MTBP: variants seen among roughly 807,000 people sequenced by gnomAD.
MTBP encodes the protein mdm2-binding protein.
MTBP carries 101 observed loss-of-function variants against 117.0 expected under a neutral mutation model. That is an observed-to-expected ratio of 0.86 (90% CI 0.73 to 1.02). The LOEUF is 1.02. MTBP is among the 50% of genes least tolerant of loss of function. MTBP has a pLI of 0.00. For synonymous variants in MTBP, 350 were observed against 351.5 expected (o/e 1.00, Z 0.05); for missense variants, 970 against 1,030.9 (o/e 0.94, Z 0.81).
Position 120,456,690 on chromosome 8 carries a change from T to A in MTBP, c.747+20T>A. 7.5e-7 allele frequency: 1 copy of A among 1,327,600 alleles called. No individual in the cohort carries two copies. The highest frequency in any genetic ancestry group is 1.1e-6 in the Non-Finnish European group (1 of 932,086). 82.2% of individuals were successfully genotyped at this position (1,327,600 alleles called of 1,614,324 possible). On this transcript the variant is annotated intron_variant, in intron 7 of 21. Coordinates refer to ENST00000305949, the MANE Select transcript of MTBP (RefSeq NM_022045.5). The stretch of plus-strand genomic sequence containing the variant: ...AGAAAGGTAAATGGATTATTCACAG[T>A]TTGCCAAGTAGGCCTTTCAATTTTA...
chr8:120,466,590 C>T lies in MTBP; in HGVS notation c.1047+2829C>T, dbSNP rs549452467. Among the ~76,000 whole-genome samples, 8 of 151,766 alleles carry T rather than the reference C, an allele frequency of 5.3e-5. No individual in the cohort carries two copies. In the South Asian group the frequency reaches 1.7e-3, roughly 32 times the overall value. On this transcript the variant is annotated intron_variant, in intron 10 of 21. Transcript: ENST00000305949. ...ATCTAGTGCTTTATAACTTGGGTTT[C>T]AGCTGGGCGCGGTGGCTCACGCCTT...
intron 12 of MTBP, among the ~76,000 whole-genome samples, chr8:120,489,136 T>G (rs1814286370): frequency 6.7e-6 from 1 of 150,046 alleles, no homozygotes; most frequent in African/African-American, 2.4e-5. Context: ...CCTCCCAGGT[T>G]CGAGCAATTC....
At chr8:120,513,301 A>G (rs143806264) in intron 17 of MTBP, among the ~76,000 whole-genome samples, 229 of 152,146 alleles carry the variant, frequency 1.5e-3, no homozygotes, top group Non-Finnish European at 2.6e-3. Context: ...TGTATTTCTT[A>G]GTTACAAAAC....
At position 120,502,477 on chromosome 8, in the gene MTBP, T is replaced by C. The variant is rs1183094670; in HGVS notation, c.1610-15T>C. 2 of 1,513,616 alleles carry C rather than the reference T, an allele frequency of 1.3e-6. No homozygotes were observed. Among genetic ancestry groups the C allele is most frequent in the Admixed American group, 4.0e-5 (2 of 50,368 alleles). 93.8% of individuals were successfully genotyped at this position (1,513,616 alleles called of 1,614,324 possible). A position where few individuals can be genotyped will look rare whatever the true frequency, so the allele number is the denominator to read the frequency against. On this transcript the variant is annotated splice_polypyrimidine_tract_variant and intron_variant, in intron 14 of 21. Transcript: ENST00000305949. ...ATAATACTTTTCAGACTTATGTGTA[T>C]TTCTTTCACTTTAGATTTTAGTCCA...
chr8:120,460,124 G>C (rs1813552679), intron 8 of MTBP, among the ~76,000 whole-genome samples: 1 of 152,030 alleles, frequency 6.6e-6, no homozygotes, highest in Non-Finnish European at 1.5e-5. Context: ...TACAAAAAGA[G>C]GGTATCATTT....
intron 15 of MTBP, among the ~76,000 whole-genome samples, chr8:120,505,958 ATCTTTACTTGACAAG>A (rs1814677596): frequency 1.3e-5 from 2 of 152,188 alleles, no homozygotes; most frequent in Non-Finnish European, 2.9e-5. Context: ...GTATGTTAGC[ATCTTTACTTGACAAG>A]TCGGAATAAT....
chr8:120,471,910 CAGAGATTA>C (rs1813824701), intron 11 of MTBP: 1 of 152,080 alleles, frequency 6.6e-6, no homozygotes, highest in African/African-American at 2.4e-5. Context: ...GTTATAAAAT[CAGAGATTA>C]AGTCCAAACC....
intron 5 of MTBP, among the ~76,000 whole-genome samples, chr8:120,454,323 A>G (rs530519305): frequency 6.6e-6 from 1 of 152,240 alleles, no homozygotes; most frequent in African/African-American, 2.4e-5. Context: ...TGCATTGTCA[A>G]ATGGAATGTC....
intron 7 of MTBP, among the ~76,000 whole-genome samples, chr8:120,457,640 G>C (rs1468216002): frequency 6.6e-6 from 1 of 152,122 alleles, no homozygotes; most frequent in South Asian, 2.1e-4. Flanking sequence ...TCCCACATAG[G>C]CTGGGCGCAG....
intron 17 of MTBP, among the ~76,000 whole-genome samples, chr8:120,514,081 G>A (rs978383939): frequency 6.6e-6 from 1 of 151,746 alleles, no homozygotes; most frequent in South Asian, 2.1e-4. Context: ...TAAAAAGTGT[G>A]TATTTTTAAT....
At chr8:120,499,462 T>G (rs1242140490) in intron 14 of MTBP, among the ~76,000 whole-genome samples, 1 of 152,186 alleles carries the variant, frequency 6.6e-6, no homozygotes. Flanking sequence ...ACTTGGAAGA[T>G]TTTTAGAAAC....
rs368494751 is a variant in MTBP, at chr8:120,482,722, C to T, written c.1166-5437C>T. Among the ~76,000 whole-genome samples, 114 of 149,424 alleles carry T rather than the reference C, an allele frequency of 7.6e-4. 1 individual carries two copies. The highest frequency in any genetic ancestry group is 2.6e-3 in the African/African-American group (106 of 40,880). On this transcript the variant is annotated intron_variant, in intron 11 of 21. Transcript: ENST00000305949. The stretch of plus-strand genomic sequence containing the variant: ...TTTTTCTTTCTTTCTTTTTTTGAGA[C>T]GGAGTCTTGCTTTGTTGCCCAGGCT...
At position 120,515,950 on chromosome 8, in the gene MTBP, T is replaced by C. The variant is rs769000752; in HGVS notation, c.2005T>C (p.Leu669=). 4 of 1,612,584 alleles carry C rather than the reference T, an allele frequency of 2.5e-6. No individual in the cohort carries two copies. Among genetic ancestry groups the C allele is most frequent in the East Asian group, 2.2e-5 (1 of 44,842 alleles). Residue 669 remains leucine (L), a synonymous_variant, in exon 18 of 22, where the codon TTG becomes CTG. Transcript: ENST00000305949. ...IEYCLDDRKA[L]ERDGGFSELQ... Reference sequence around the variant, plus strand: ...ATATTGCTTGGATGACCGAAAAGCTTTGGAAAGAGATGGAGGATTTTCTGA... The same window carrying C: ...ATATTGCTTGGATGACCGAAAAGCTCTGGAAAGAGATGGAGGATTTTCTGA...
intron 11 of MTBP, among the ~76,000 whole-genome samples, chr8:120,481,243 A>G (rs1215825993): frequency 2.0e-5 from 3 of 152,230 alleles, no homozygotes; most frequent in Admixed American, 6.5e-5. Flanking sequence ...GGGATGTTCA[A>G]TAGCACAGCT....
At chr8:120,521,246 A>G (rs1815003342) in intron 20 of MTBP, among the ~76,000 whole-genome samples, 2 of 152,202 alleles carry the variant, frequency 1.3e-5, no homozygotes, top group African/African-American at 4.8e-5. Flanking sequence ...AATTATATAC[A>G]TGGAAAGCTG....
intron 13 of MTBP, among the ~76,000 whole-genome samples, chr8:120,491,384 T>C (rs940948751): frequency 7.2e-5 from 11 of 152,170 alleles, no homozygotes; most frequent in Admixed American, 7.2e-4. Context: ...TCTCAATTAT[T>C]CATGTAAAGA....
chr8:120,510,300 A>G (rs769462959), intron 17 of MTBP, among the ~76,000 whole-genome samples: 4 of 152,190 alleles, frequency 2.6e-5, no homozygotes, highest in Non-Finnish European at 5.9e-5. Flanking sequence ...TTATAAATGT[A>G]TATTCACACT....
At chr8:120,509,815 C>G (rs967421396) in intron 16 of MTBP, 119 bp from the exon 17 acceptor site, 9 of 641,828 alleles carry the variant, frequency 1.4e-5, no homozygotes, top group Middle Eastern at 8.7e-4. Context: ...TAACCTTTGT[C>G]CCATATAAAA....
chr8:120,461,331 A>C, intron 9 of MTBP, 76 bp downstream of exon 9: 2 of 1,011,570 alleles, frequency 2.0e-6, no homozygotes, highest in Non-Finnish European at 3.0e-6. Context: ...TGTCAGGTAA[A>C]TATACATGTT....
Sources: gnomAD v4.1 joint callset for allele counts (sites outside exome capture counted in the v4.1 genomes callset) on GRCh38, gnomAD v4.1.1 for gene constraint, MANE v1.5 for transcripts, NCBI Gene and HGNC (gene_info 2026-07-23, HGNC 2026-07-21) for gene names.